The following FAT3 variants were observed in gnomAD, a reference collection of about 807,000 sequenced individuals.
The protein encoded by FAT3 is FAT atypical cadherin 3.
A neutral mutation model predicts 310.2 loss-of-function variants in FAT3; 95 were observed. That is an observed-to-expected ratio of 0.31 (90% CI 0.26 to 0.36). The LOEUF (loss-of-function observed/expected upper bound fraction) is 0.36. Among genes scored for constraint, FAT3 ranks in the 10% least tolerant of loss-of-function variants. The pLI, the probability that FAT3 is intolerant of heterozygous loss-of-function variation, is 1.00. For synonymous variants in FAT3, 2,314 were observed against 2,192.9 expected (o/e 1.06, Z -1.54); for missense variants, 5,408 against 5,715.6 (o/e 0.95, Z 1.74).
chr11:92,314,206 GA>G, intron 1 of FAT3: 1 of 600,876 alleles, frequency 1.7e-6, no homozygotes, highest in Non-Finnish European at 2.1e-6. Flanking sequence ...CCAATCCTAG[GA>G]ATGAAGTTTT....
chr11:92,778,257 A>G (rs2136125904), intron 7 of FAT3, among the ~76,000 whole-genome samples: 1 of 152,210 alleles, frequency 6.6e-6, no homozygotes. Context: ...CCTAAAACCA[A>G]CTGGCATTTT....
chr11:92,302,661 C>A (rs1947029974), intron 1 of FAT3, among the ~76,000 whole-genome samples: 1 of 151,888 alleles, frequency 6.6e-6, no homozygotes, highest in African/African-American at 2.4e-5. Flanking sequence ...TTCATACTGG[C>A]AGAAAAATCC....
intron 19 of FAT3, among the ~76,000 whole-genome samples, chr11:92,852,531 A>C (rs1487369020): frequency 6.6e-6 from 1 of 152,174 alleles, no homozygotes; most frequent in African/African-American, 2.4e-5. Context: ...GATTTTTAAA[A>C]CATCAAGAGG....
intron 2 of FAT3, among the ~76,000 whole-genome samples, chr11:92,411,977 G>T (rs1484327670): frequency 6.6e-6 from 1 of 151,604 alleles, no homozygotes; most frequent in Non-Finnish European, 1.5e-5. Context: ...CATTGCTCTT[G>T]TCTGGGCTTT....
intron 3 of FAT3, among the ~76,000 whole-genome samples, chr11:92,609,446 G>A (rs1289608221): frequency 6.6e-6 from 1 of 152,136 alleles, no homozygotes; most frequent in Non-Finnish European, 1.5e-5. Context: ...TTGCATGTTA[G>A]CCTATGTTTT....
Position 92,838,871 on chromosome 11 carries a change from C to T in FAT3, c.10368+1065C>T, listed in dbSNP as rs1009462954. On this transcript the variant is annotated intron_variant, in intron 17 of 27. Coordinates refer to ENST00000525166, the MANE Select transcript of FAT3 (RefSeq NM_001367949.2). ...GAAGCAGCTGTCTGCTGGTTCCCAC[C>T]CCTTTGTCAGCGAAATCTGATTCCT... Among the ~76,000 whole-genome samples the T allele has an allele frequency of 2.6e-5, 4 of 152,212 alleles. No homozygotes were observed. In the East Asian group the frequency reaches 7.7e-4, roughly 29 times the overall value.
intron 2 of FAT3, among the ~76,000 whole-genome samples, chr11:92,440,711 G>A (rs1444405683): frequency 1.3e-5 from 2 of 152,156 alleles, no homozygotes; most frequent in Non-Finnish European, 2.9e-5. Flanking sequence ...GAAAGGGAGA[G>A]TTTCAATAAG....
chr11:92,756,108 G>A (rs572213765), intron 4 of FAT3, among the ~76,000 whole-genome samples: 12 of 152,294 alleles, frequency 7.9e-5, no homozygotes, highest in African/African-American at 2.2e-4. Flanking sequence ...ATTAGGTAAC[G>A]ATAAAGTGTC....
At chr11:92,468,130 A>G (rs553129005) in intron 2 of FAT3, among the ~76,000 whole-genome samples, 68 of 152,302 alleles carry the variant, frequency 4.5e-4, no homozygotes, top group Middle Eastern at 6.8e-3. Context: ...GGGTTTAATC[A>G]TTACATGGTT....
At chr11:92,535,080 G>T (rs1954207987) in intron 3 of FAT3, among the ~76,000 whole-genome samples, 1 of 152,250 alleles carries the variant, frequency 6.6e-6, no homozygotes, top group East Asian at 1.9e-4. Context: ...GTCTTTAAAA[G>T]AAATAAGAGG....
chr11:92,775,910 A>T (rs1177912597), intron 7 of FAT3, among the ~76,000 whole-genome samples: 1 of 152,170 alleles, frequency 6.6e-6, no homozygotes, highest in Middle Eastern at 3.2e-3. Flanking sequence ...TGAAATATAG[A>T]CACATGGAAA....
chr11:92,418,417 A>ACTC (rs1404664762), intron 2 of FAT3, among the ~76,000 whole-genome samples: 1 of 48,386 alleles, frequency 2.1e-5, no homozygotes, highest in Non-Finnish European at 5.6e-5. Context: ...CAAAAGTTAA[A>ACTC]CACCCCCCCC....
At chr11:92,298,630 A>C (rs1202380) in intron 1 of FAT3, among the ~76,000 whole-genome samples, 96,162 of 151,972 alleles carry the variant, frequency 0.63, 30,813 homozygotes, top group Admixed American at 0.68. Flanking sequence ...CTGAGTGGAA[A>C]GTCACCTTTC....
At chr11:92,597,579 C>T (rs553174923) in intron 3 of FAT3, among the ~76,000 whole-genome samples, 119 of 152,262 alleles carry the variant, frequency 7.8e-4, no homozygotes, top group African/African-American at 2.7e-3. Flanking sequence ...AGAGGTTTGC[C>T]ATATTCCTTG....
chr11:92,344,980 G>A (rs1948372506), intron 1 of FAT3, among the ~76,000 whole-genome samples: 2 of 152,056 alleles, frequency 1.3e-5, no homozygotes, highest in Admixed American at 6.6e-5. Flanking sequence ...GCATATTAAA[G>A]GCTCCAGGAA....
At chr11:92,280,846 T>C (rs570766224) in intron 1 of FAT3, among the ~76,000 whole-genome samples, 1 of 152,316 alleles carries the variant, frequency 6.6e-6, no homozygotes, top group African/African-American at 2.4e-5. Context: ...CCTTCGTACA[T>C]ACAATTTCTT....
chr11:92,717,855 C>A (rs913442979), intron 4 of FAT3, among the ~76,000 whole-genome samples: 28 of 152,208 alleles, frequency 1.8e-4, no homozygotes, highest in African/African-American at 6.5e-4. Context: ...GAATAAAAAT[C>A]ACCAGCCATG....
At chr11:92,246,237 T>C (rs1209816844) in intron 1 of FAT3, among the ~76,000 whole-genome samples, 1 of 151,874 alleles carries the variant, frequency 6.6e-6, no homozygotes, top group East Asian at 1.9e-4. Context: ...AAGGAGAAAG[T>C]TGGGCCCAGG....
intron 2 of FAT3, among the ~76,000 whole-genome samples, chr11:92,444,493 G>A (rs1565322013): frequency 1.3e-5 from 2 of 152,136 alleles, no homozygotes; most frequent in Admixed American, 6.6e-5. Flanking sequence ...CCTGCGCAGA[G>A]TGAGTGCTAT....
Sources: gnomAD v4.1 joint callset for allele counts (sites outside exome capture counted in the v4.1 genomes callset) on GRCh38, gnomAD v4.1.1 for gene constraint, MANE v1.5 for transcripts, NCBI Gene and HGNC (gene_info 2026-07-23, HGNC 2026-07-21) for gene names.